Variants in ITPRID1 observed in about 807,000 individuals in gnomAD.
ITPRID1 encodes the protein protein ITPRID1.
In ITPRID1, 96 loss-of-function variants were observed where a neutral mutation model predicts 95.4. The observed-to-expected ratio is 1.01, with a 90% CI of 0.85 to 1.19. The LOEUF (loss-of-function observed/expected upper bound fraction) is 1.19, where lower values mean the gene tolerates loss of function less well. Among genes scored for constraint, ITPRID1 ranks in the 50% most tolerant of loss-of-function variants. ITPRID1 has a pLI of 0.00. For missense variants in ITPRID1, 1,339 were observed against 1,252.9 expected, an observed-to-expected ratio of 1.07 and a Z score of -1.04; for synonymous variants, 510 against 453.6, an observed-to-expected ratio of 1.12 and a Z score of -1.58.
chr7:31,630,631 CCAAT>C lies in ITPRID1; in HGVS notation c.1229-11542_1229-11539del, dbSNP rs1203090178. The stretch of plus-strand genomic sequence containing the variant: ...CTGCATCGAGTATGTCACATATTTA[CCAAT>C]CAGTTATAAAAATAGATATAAAATT... On this transcript the variant is annotated intron_variant, in intron 10 of 14. Transcript: ENST00000615280. Among the ~76,000 whole-genome samples the C allele has an allele frequency of 9.9e-5, 15 of 151,998 alleles. No individual in the cohort carries two copies. In the South Asian group the frequency reaches 1.7e-3, roughly 17 times the overall value.
intron 6 of ITPRID1, among the ~76,000 whole-genome samples, chr7:31,571,453 T>C (rs576975064): frequency 1.3e-5 from 2 of 152,386 alleles, no homozygotes; most frequent in East Asian, 1.9e-4. Flanking sequence ...CTGGCTATTA[T>C]ATTTGATGGG....
chr7:31,647,816 C>T (rs1790623883), intron 12 of ITPRID1, among the ~76,000 whole-genome samples: 1 of 151,908 alleles, frequency 6.6e-6, no homozygotes, highest in Non-Finnish European at 1.5e-5. Context: ...ATTATCTTAC[C>T]CCCCTAATAT....
At chr7:31,621,126 T>C (rs1787838618) in intron 10 of ITPRID1, among the ~76,000 whole-genome samples, 1 of 152,020 alleles carries the variant, frequency 6.6e-6, no homozygotes, top group Non-Finnish European at 1.5e-5. Flanking sequence ...CAAATCTACG[T>C]CTGATTGGTG....
chr7:31,572,354 A>G (rs560959290), intron 7 of ITPRID1, among the ~76,000 whole-genome samples, 166 bp downstream of exon 7: 51 of 152,228 alleles, frequency 3.4e-4, no homozygotes, highest in Non-Finnish European at 6.2e-4. Context: ...AGGAGTTAAT[A>G]AAATTGGAAA....
chr7:31,639,086 A>G (rs1789763968), intron 10 of ITPRID1, among the ~76,000 whole-genome samples: 1 of 151,908 alleles, frequency 6.6e-6, no homozygotes, highest in Non-Finnish European at 1.5e-5. Context: ...CAGTAATTTG[A>G]TTTTCATGTG....
chr7:31,529,769 A>C (rs1490758621), intron 1 of ITPRID1: 1 of 1,535,166 alleles, frequency 6.5e-7, no homozygotes, highest in African/African-American at 1.4e-5. Context: ...ACATACTTTG[A>C]TGCCAACTAC....
chr7:31,539,970 G>T (rs1783880792), intron 1 of ITPRID1, among the ~76,000 whole-genome samples: 1 of 152,170 alleles, frequency 6.6e-6, no homozygotes, highest in South Asian at 2.1e-4. Flanking sequence ...GCTGACCTTA[G>T]CCATTAGGCT....
chr7:31,554,917 C>T lies in ITPRID1; in HGVS notation c.256+16C>T, dbSNP rs956830274. 1.3e-6 allele frequency: 2 copies of T among 1,566,050 alleles called. No individual in the cohort carries two copies. The highest frequency in any genetic ancestry group is 1.7e-6 in the Non-Finnish European group (2 of 1,149,466). On this transcript the variant is annotated intron_variant, in intron 5 of 14. Transcript: ENST00000615280. ...GACCGCACTGGTAAGACAAGAGAAG[C>T]AGTTATGCTTTGGGAAGCTGAGTAG... is the stretch of plus-strand genomic sequence containing the variant.
In ITPRID1 at chr7:31,643,597, G is replaced by A; in HGVS notation, c.2227G>A (p.Val743Ile). The change falls in exon 12 of 15, where the codon GTT (valine) becomes ATT (isoleucine). Residue 743 changes from valine (V) to isoleucine (I), a missense_variant. Physicochemically the swap from Val to Ile is conservative, Grantham distance 29. Transcript: ENST00000615280. ...TSLECTVCDPVTATETRLGTK... is the reference protein window; with the variant it reads ...TSLECTVCDPITATETRLGTK... ...TTTAGAATGCACTGTGTGTGATCCT[G>A]TTACCGCAACAGAAACAAGACTGGG... 1 of 1,614,048 alleles carries A rather than the reference G, an allele frequency of 6.2e-7. No individual in the cohort carries two copies. The highest frequency in any genetic ancestry group is 8.5e-7 in the Non-Finnish European group (1 of 1,179,898).
At position 31,651,143 on chromosome 7, in the gene ITPRID1, G is replaced by C. The variant is rs1210984365; in HGVS notation, c.2585G>C (p.Cys862Ser). The change falls in exon 13 of 15, where the codon TGC becomes TCC. Residue 862 changes from cysteine (C) to serine (S), a missense_variant and splice_region_variant. Transcript: ENST00000615280. ...QDTTVRELCSCTVHEMEAMKT... is the reference protein window; with the variant it reads ...QDTTVRELCSSTVHEMEAMKT... ...TCAGTTCTTTCTCATTGTTCTCAGT[G>C]CACAGTCCATGAGATGGAAGCCATG... is the stretch of plus-strand genomic sequence containing the variant. 6.2e-7 allele frequency: 1 copy of C among 1,612,574 alleles called. No homozygotes were observed. Among genetic ancestry groups the C allele is most frequent in the Admixed American group, 1.7e-5 (1 of 59,966 alleles).
chr7:31,645,829 A>G (rs1790416796), intron 12 of ITPRID1, among the ~76,000 whole-genome samples: 1 of 152,124 alleles, frequency 6.6e-6, no homozygotes, highest in South Asian at 2.1e-4. Flanking sequence ...AAATACAGAG[A>G]ACAGCCACCA....
intron 9 of ITPRID1, among the ~76,000 whole-genome samples, chr7:31,578,889 G>A (rs1257417873): frequency 6.6e-6 from 1 of 152,104 alleles, no homozygotes; most frequent in Non-Finnish European, 1.5e-5. Flanking sequence ...TGTCAATGCT[G>A]TCTCCCCAAA....
At chr7:31,549,981 G>T (rs1274262445) in intron 2 of ITPRID1, among the ~76,000 whole-genome samples, 1 of 152,142 alleles carries the variant, frequency 6.6e-6, no homozygotes, top group Non-Finnish European at 1.5e-5. Flanking sequence ...TGGCTCTAAA[G>T]CTTCACAGTG....
intron 1 of ITPRID1, among the ~76,000 whole-genome samples, chr7:31,519,578 ATCTCTC>A (rs72374972): frequency 0.056 from 2,101 of 37,348 alleles, 92 homozygotes; most frequent in African/African-American, 0.059. Context: ...TATTTCTGGT[ATCTCTC>A]TCTCTCTCTC....
In ITPRID1 at chr7:31,613,375, C is replaced by T. The variant is rs148395432; in HGVS notation, c.1229-28801C>T. On this transcript the variant is annotated intron_variant, in intron 10 of 14. Coordinates refer to ENST00000615280, the MANE Select transcript of ITPRID1 (RefSeq NM_001257967.3). ...AGTTAATTTTGACAGGTTTTGCCAG[C>T]GTTCTTGTTGTTTTTATGGAGGAAT... 2.9e-3 allele frequency among the ~76,000 whole-genome samples: 442 copies of T among 152,180 alleles called. 2 individuals carry two copies. Among genetic ancestry groups the T allele is most frequent in the South Asian group, 0.014 (69 of 4,822 alleles).
chr7:31,521,670 CCTTCCTTCCTTCCTT>C (rs1783261763), intron 1 of ITPRID1, among the ~76,000 whole-genome samples: 1 of 125,140 alleles, frequency 8.0e-6, no homozygotes, highest in Non-Finnish European at 1.7e-5. Context: ...TTCCTTCCTT[CCTTCCTTCCTTCCTT>C]CCTCCTTTAT....
intron 10 of ITPRID1, among the ~76,000 whole-genome samples, chr7:31,594,304 C>A (rs927300586): frequency 2.0e-5 from 3 of 152,146 alleles, no homozygotes; most frequent in Admixed American, 2.0e-4. Flanking sequence ...GTGCATTTCT[C>A]AGAATGTGTC....
In ITPRID1 at chr7:31,580,745, G is replaced by T. The variant is rs115314153; in HGVS notation, c.1170+2311G>T. Among the ~76,000 whole-genome samples, 166 of 152,196 alleles carry T rather than the reference G, an allele frequency of 1.1e-3. 1 individual carries two copies. The highest frequency in any genetic ancestry group is 3.8e-3 in the African/African-American group (159 of 41,532). ...TTTGTTAATTGAGTGAACATCCAAA[G>T]AATTTGACAATATTAATTTAATCTA... On this transcript the variant is annotated intron_variant, in intron 9 of 14. Coordinates refer to ENST00000615280, the MANE Select transcript of ITPRID1 (RefSeq NM_001257967.3).
chr7:31,588,481 A>C (rs1462197769), intron 10 of ITPRID1, among the ~76,000 whole-genome samples: 1 of 151,764 alleles, frequency 6.6e-6, no homozygotes, highest in African/African-American at 2.4e-5. Flanking sequence ...AAATACAAAA[A>C]TTAGCTGGGC....
Sources: allele counts gnomAD v4.1 joint callset (sites outside exome capture counted in the v4.1 genomes callset), GRCh38; gene constraint gnomAD v4.1.1; transcripts MANE v1.5; gene names NCBI Gene and HGNC (gene_info 2026-07-23, HGNC 2026-07-21).